The following NWD2 variants were observed in gnomAD, a reference collection of about 807,000 sequenced individuals.
NWD2 encodes NACHT and WD repeat domain-containing protein 2.
Under a neutral mutation model 132.7 loss-of-function variants are expected in NWD2, and 37 were observed. The observed-to-expected ratio is 0.28, with a 90% CI of 0.21 to 0.37. NWD2 has a LOEUF of 0.37. Ranked by LOEUF, NWD2 falls within the 10% of genes least tolerant of loss-of-function variation. The pLI is 1.00. For synonymous variants in NWD2, 705 were observed against 803.0 expected, an observed-to-expected ratio of 0.88 and a Z score of 2.06; for missense variants, 1,592 against 2,122.4, an observed-to-expected ratio of 0.75 and a Z score of 4.91.
intron 3 of NWD2, among the ~76,000 whole-genome samples, chr4:37,402,409 C>T (rs1195510577): frequency 6.6e-6 from 1 of 152,078 alleles, no homozygotes; most frequent in Non-Finnish European, 1.5e-5. Context: ...TTATCTTTCC[C>T]AGCAACAAAC....
At chr4:37,376,320 TTAGA>T (rs1182775448) in intron 3 of NWD2, among the ~76,000 whole-genome samples, 21 of 152,212 alleles carry the variant, frequency 1.4e-4, no homozygotes, top group African/African-American at 4.1e-4. Flanking sequence ...GTAAATTAAA[TTAGA>T]TAGGTGAAAG....
chr4:37,398,689 T>C (rs1159173583), intron 3 of NWD2, among the ~76,000 whole-genome samples: 1 of 152,252 alleles, frequency 6.6e-6, no homozygotes, highest in Non-Finnish European at 1.5e-5. Flanking sequence ...CAGACTCTTA[T>C]GTGCTTTGCA....
intron 2 of NWD2, among the ~76,000 whole-genome samples, chr4:37,329,463 T>TG (rs1460284554): frequency 6.6e-6 from 1 of 152,148 alleles, no homozygotes; most frequent in African/African-American, 2.4e-5. Flanking sequence ...CAGAAAGTGA[T>TG]GGAGCAAGTC....
At chr4:37,436,179 C>A (rs1393299529) in intron 5 of NWD2, among the ~76,000 whole-genome samples, 2 of 152,052 alleles carry the variant, frequency 1.3e-5, no homozygotes, top group Non-Finnish European at 2.9e-5. Flanking sequence ...CCTATTTCCA[C>A]CATTACCTTC....
intron 1 of NWD2, among the ~76,000 whole-genome samples, chr4:37,262,292 C>G (rs1025382631): frequency 3.3e-5 from 5 of 152,166 alleles, no homozygotes; most frequent in Admixed American, 6.6e-5. Flanking sequence ...TGATTCAATT[C>G]ATTTTAGAAA....
At chr4:37,319,855 C>T (rs941374266) in intron 1 of NWD2, among the ~76,000 whole-genome samples, 6 of 152,090 alleles carry the variant, frequency 3.9e-5, no homozygotes, top group African/African-American at 9.7e-5. Context: ...GTATCAGTAC[C>T]GTGCTGTTTG....
chr4:37,403,089 A>G (rs1720927791), intron 3 of NWD2, among the ~76,000 whole-genome samples: 1 of 152,174 alleles, frequency 6.6e-6, no homozygotes, highest in Non-Finnish European at 1.5e-5. Flanking sequence ...GGTGTGGAGA[A>G]GATTTCTAAG....
In NWD2 at chr4:37,439,041, G is replaced by A. The variant is rs1242670012; in HGVS notation, c.947G>A (p.Arg316Lys). The A allele has an allele frequency of 6.4e-7, 1 of 1,551,806 alleles. No individual in the cohort carries two copies. The highest frequency in any genetic ancestry group is 8.7e-7 in the Non-Finnish European group (1 of 1,146,996). Residue 316 changes from arginine (R) to lysine (K), a missense_variant, in exon 6 of 7, where the codon AGA becomes AAA. Arg to Lys is a conservative substitution (Grantham distance 26). Coordinates refer to ENST00000309447, the MANE Select transcript of NWD2 (RefSeq NM_001144990.2). This position sits in a 1 kb window ranked among gnomAD's most constrained non-coding sequence, Gnocchi z 4.5. Reference sequence around the variant, plus strand: ...ACTATTGTTGCATCATCTAATCTGAGAGTGTACACATCTGTTACTCATTGT... The same window carrying A: ...ACTATTGTTGCATCATCTAATCTGAAAGTGTACACATCTGTTACTCATTGT... Reference protein sequence around the residue: ...IPTIVASSNLRVYTSVTHCDM... With the variant: ...IPTIVASSNLKVYTSVTHCDM...
At chr4:37,302,163 T>A (rs1718624630) in intron 1 of NWD2, among the ~76,000 whole-genome samples, 1 of 152,022 alleles carries the variant, frequency 6.6e-6, no homozygotes, top group East Asian at 1.9e-4. Flanking sequence ...TCTCTATTTT[T>A]ATGAGCTCAA....
intron 3 of NWD2, among the ~76,000 whole-genome samples, chr4:37,383,723 C>T (rs539294414): frequency 1.3e-5 from 2 of 152,346 alleles, no homozygotes; most frequent in Admixed American, 1.3e-4. Context: ...GCTTTGTACA[C>T]TAACCCAGTC....
In NWD2 at chr4:37,443,252, A is replaced by G; in HGVS notation, c.1297-33A>G. On this transcript the variant is annotated intron_variant, in intron 6 of 6. Coordinates refer to ENST00000309447, the MANE Select transcript of NWD2 (RefSeq NM_001144990.2). This position sits in a 1 kb window ranked among gnomAD's most constrained non-coding sequence, Gnocchi z 4.1. The stretch of plus-strand genomic sequence containing the variant: ...ATCACATATGACCATGTGAATACAT[A>G]TTACCATTCTAAACTCCACTTTTGT... 1 of 1,506,434 alleles carries G rather than the reference A, an allele frequency of 6.6e-7. No homozygotes were observed. The highest frequency in any genetic ancestry group is 9.0e-7 in the Non-Finnish European group (1 of 1,111,546). The allele number at this position is 1,506,434 out of a possible 1,614,324, so 93.3% of individuals were successfully genotyped here.
chr4:37,433,724 G>C (rs534961941), intron 4 of NWD2, among the ~76,000 whole-genome samples, 152 bp from the exon 5 acceptor site: 1 of 152,214 alleles, frequency 6.6e-6, no homozygotes, highest in South Asian at 2.1e-4. Flanking sequence ...TAACTTTCAG[G>C]GTTATTGAGA....
intron 1 of NWD2, among the ~76,000 whole-genome samples, chr4:37,254,114 C>G (rs747079788): frequency 1.3e-5 from 2 of 152,126 alleles, no homozygotes; most frequent in Non-Finnish European, 2.9e-5. Context: ...TGCTTAATAG[C>G]TGGGTAATGA....
At chr4:37,394,818 T>TTTTTG (rs1720753492) in intron 3 of NWD2, among the ~76,000 whole-genome samples, 1 of 129,310 alleles carries the variant, frequency 7.7e-6, no homozygotes, top group Admixed American at 7.8e-5. Context: ...TTTTTTTTTT[T>TTTTTG]TTTTTTTTTT....
intron 3 of NWD2, among the ~76,000 whole-genome samples, chr4:37,395,369 A>G (rs1324301951): frequency 6.6e-6 from 1 of 151,818 alleles, no homozygotes; most frequent in African/African-American, 2.4e-5. Flanking sequence ...ATCGCTGCCT[A>G]TAAATGTGCT....
chr4:37,423,001 A>G (rs1711870711), intron 3 of NWD2, among the ~76,000 whole-genome samples: 1 of 150,136 alleles, frequency 6.7e-6, no homozygotes, highest in Non-Finnish European at 1.5e-5. Context: ...TTTTTTGCCC[A>G]TAGAGAGATG....
chr4:37,281,627 T>G (rs1718132299), intron 1 of NWD2, among the ~76,000 whole-genome samples: 1 of 152,082 alleles, frequency 6.6e-6, no homozygotes, highest in African/African-American at 2.4e-5. Context: ...AGCGTCCCCA[T>G]TTCATATATG....
intron 2 of NWD2, among the ~76,000 whole-genome samples, chr4:37,337,262 C>G (rs1192419739): frequency 2.0e-5 from 3 of 152,188 alleles, no homozygotes. Context: ...TAGTCCTCAT[C>G]TTAGTGGGTG....
intron 1 of NWD2, among the ~76,000 whole-genome samples, chr4:37,318,020 C>CT (rs71185128): frequency 0.2 from 22,481 of 113,350 alleles, 2,376 homozygotes; most frequent in Non-Finnish European, 0.22. Context: ...TTTTTTCTTT[C>CT]TTTTTTTTTT....
Sources: allele counts gnomAD v4.1 joint callset (sites outside exome capture counted in the v4.1 genomes callset), GRCh38; gene constraint gnomAD v4.1.1; non-coding constraint Gnocchi (gnomAD v3.1); transcripts MANE v1.5; gene names NCBI Gene and HGNC (gene_info 2026-07-23, HGNC 2026-07-21).